The following PLOD2 variants were observed in gnomAD, a reference collection of about 807,000 sequenced individuals.
PLOD2 encodes the protein lysine hydroxylase 2.
PLOD2 carries 65 observed loss-of-function variants against 101.0 expected under a neutral mutation model. That is an observed-to-expected ratio of 0.64 (90% CI 0.53 to 0.79). PLOD2 has a LOEUF of 0.79. Ranked by LOEUF, PLOD2 falls within the 30% of genes least tolerant of loss-of-function variation. PLOD2 has a pLI of 0.00. For synonymous variants in PLOD2, 314 were observed against 302.9 expected (o/e 1.04, Z -0.38); for missense variants, 909 against 914.6 (o/e 0.99, Z 0.08).
At chr3:146,114,016 A>G (rs749620807) in intron 3 of PLOD2, among the ~76,000 whole-genome samples, 1 of 152,150 alleles carries the variant, frequency 6.6e-6, no homozygotes, top group Non-Finnish European at 1.5e-5. Flanking sequence ...ACACGGTTGC[A>G]GATAAGGGAT....
At chr3:146,121,593 T>G (rs2030161620) in intron 2 of PLOD2, among the ~76,000 whole-genome samples, 1 of 152,142 alleles carries the variant, frequency 6.6e-6, no homozygotes, top group Non-Finnish European at 1.5e-5. Flanking sequence ...TATCACTTTT[T>G]TTTCAATCTG....
At chr3:146,117,722 T>G (rs6799720) in intron 3 of PLOD2, among the ~76,000 whole-genome samples, 80,548 of 151,788 alleles carry the variant, frequency 0.53, 21,637 homozygotes, top group African/African-American at 0.6. Context: ...TTGTTTCCAT[T>G]ATATATCCCA....
chr3:146,148,882 C>A (rs185413332), intron 1 of PLOD2, among the ~76,000 whole-genome samples: 41 of 152,254 alleles, frequency 2.7e-4, no homozygotes, highest in Admixed American at 1.4e-3. Context: ...CACACTGGAC[C>A]ATAGGCTGAA....
At chr3:146,159,887 A>G (rs560350860) in intron 1 of PLOD2, among the ~76,000 whole-genome samples, 19 of 152,360 alleles carry the variant, frequency 1.2e-4, no homozygotes, top group Admixed American at 3.9e-4. Flanking sequence ...CTATCGCTAC[A>G]TGGATTAGCT....
intron 7 of PLOD2, among the ~76,000 whole-genome samples, chr3:146,100,056 T>C (rs1354382797): frequency 6.6e-6 from 1 of 152,076 alleles, no homozygotes; most frequent in Admixed American, 6.5e-5. Context: ...TAATTTTGTA[T>C]TTTTAGTAGA....
rs138985871 is a variant in PLOD2, at chr3:146,081,825, A to T, written c.1271T>A (p.Leu424Gln). 1.9e-6 allele frequency: 3 copies of T among 1,612,724 alleles called. No individual in the cohort carries two copies. Among genetic ancestry groups the T allele is most frequent in the South Asian group, 2.2e-5 (2 of 91,070 alleles). ...IAPLVTRHGK[L>Q]WSNFWGALSP... ...CAATGCTCCCCAGAAATTGGACCAC[A>T]GCTTTCCATGACGAGTTACAAGAGG... The change falls in exon 12 of 20, where the codon CTG becomes CAG. Residue 424 changes from leucine to glutamine, a missense_variant. Transcript: ENST00000282903.
chr3:146,075,505 A>AG (rs1553728757), intron 15 of PLOD2, among the ~76,000 whole-genome samples: 27 of 150,424 alleles, frequency 1.8e-4, no homozygotes, highest in South Asian at 1.3e-3. Flanking sequence ...AAAAAAAAAA[A>AG]AAGAAGAAGA....
At chr3:146,138,732 G>GT (rs1163807669) in intron 1 of PLOD2, among the ~76,000 whole-genome samples, 12 of 152,138 alleles carry the variant, frequency 7.9e-5, no homozygotes, top group African/African-American at 2.7e-4. Flanking sequence ...TACTTCAAAT[G>GT]TAATAGCAAG....
chr3:146,133,655 G>A (rs1404245711), intron 1 of PLOD2, among the ~76,000 whole-genome samples: 2 of 152,164 alleles, frequency 1.3e-5, no homozygotes, highest in Admixed American at 1.3e-4. Flanking sequence ...TGCAGCCAAG[G>A]ACTATACACT....
intron 3 of PLOD2, 59 bp downstream of exon 3, chr3:146,121,053 T>C: frequency 7.7e-7 from 1 of 1,296,936 alleles, no homozygotes; most frequent in Non-Finnish European, 1.1e-6. Flanking sequence ...AATATAAATC[T>C]CAGCTCTTTA....
At chr3:146,130,821 C>T (rs1247493217) in intron 1 of PLOD2, among the ~76,000 whole-genome samples, 2 of 152,140 alleles carry the variant, frequency 1.3e-5, no homozygotes, top group African/African-American at 2.4e-5. Flanking sequence ...TTATTATGTT[C>T]AGAAAAGAGA....
chr3:146,156,787 G>A (rs1369169832), intron 1 of PLOD2, among the ~76,000 whole-genome samples: 1 of 152,212 alleles, frequency 6.6e-6, no homozygotes, highest in African/African-American at 2.4e-5. Flanking sequence ...AAAAGTCCAA[G>A]AGAACAATTA....
chr3:146,160,816 G>C (rs1214651188), intron 1 of PLOD2, 65 bp downstream of exon 1: 3 of 1,015,082 alleles, frequency 3.0e-6, no homozygotes, highest in Non-Finnish European at 4.5e-6. Flanking sequence ...AGGGCTGGTG[G>C]ATGAATGAAC....
intron 1 of PLOD2, among the ~76,000 whole-genome samples, chr3:146,148,314 ACAGG>A (rs1199046850): frequency 3.8e-5 from 5 of 132,450 alleles, no homozygotes; most frequent in East Asian, 2.2e-4. Context: ...AATTATTTAT[ACAGG>A]CAGGCAGGCA....
At chr3:146,160,725 C>T (rs1413728999) in intron 1 of PLOD2, 156 bp downstream of exon 1, 2 of 608,882 alleles carry the variant, frequency 3.3e-6, no homozygotes, top group African/African-American at 1.8e-5. Context: ...CAGCGCCGCC[C>T]GACCGCAATT....
intron 12 of PLOD2, among the ~76,000 whole-genome samples, chr3:146,079,977 C>G (rs954213075): frequency 2.6e-5 from 4 of 151,990 alleles, no homozygotes; most frequent in African/African-American, 9.7e-5. Context: ...CTGAACATGA[C>G]TGATTTCATA....
chr3:146,133,311 C>T (rs1041282617), intron 1 of PLOD2, among the ~76,000 whole-genome samples: 1 of 152,156 alleles, frequency 6.6e-6, no homozygotes, highest in Non-Finnish European at 1.5e-5. Flanking sequence ...GAAATAAATA[C>T]AGTGACATTT....
intron 4 of PLOD2, among the ~76,000 whole-genome samples, chr3:146,107,949 T>C (rs1461591071): frequency 1.3e-5 from 2 of 151,634 alleles, no homozygotes; most frequent in African/African-American, 4.8e-5. Context: ...TGGCATCAAA[T>C]AAAAAAATTC....
At chr3:146,118,692 C>CA (rs1189548211) in intron 3 of PLOD2, among the ~76,000 whole-genome samples, 1 of 151,874 alleles carries the variant, frequency 6.6e-6, no homozygotes. Flanking sequence ...AAGAAGATGG[C>CA]AAAAAAGAGT....
Sources: allele counts gnomAD v4.1 joint callset (sites outside exome capture counted in the v4.1 genomes callset), GRCh38; gene constraint gnomAD v4.1.1; transcripts MANE v1.5; gene names NCBI Gene and HGNC (gene_info 2026-07-23, HGNC 2026-07-21).